Variants in EML6 observed in about 807,000 individuals in gnomAD.
EML6 encodes echinoderm microtubule-associated protein-like 6.
A neutral mutation model predicts 240.1 loss-of-function variants in EML6; 154 were observed. The observed-to-expected ratio is 0.64, with a 90% CI of 0.56 to 0.73. The LOEUF is 0.73. Ranked by LOEUF, EML6 falls within the 30% of genes least tolerant of loss-of-function variation. EML6 has a pLI of 0.00. For missense variants in EML6, 2,964 were observed against 2,474.6 expected (o/e 1.20, Z -4.20); for synonymous variants, 1,148 against 899.0 (o/e 1.28, Z -4.95).
intron 2 of EML6, among the ~76,000 whole-genome samples, chr2:54,792,149 A>G (rs1422509117): frequency 3.9e-5 from 6 of 152,198 alleles, no homozygotes; most frequent in African/African-American, 7.2e-5. Flanking sequence ...GAAATGGGAA[A>G]ACATTCATCT....
Position 54,844,238 on chromosome 2 carries a change from C to A in EML6, c.1039C>A (p.Arg347Ser). ...KPLAVTGSDD[R>S]SVRLWSLADH... ...TCTGGCTGTGACAGGCAGCGATGACCGCTCTGTCAGGTGAGGCCCTACCGC... is the reference window on the plus strand; with the variant it reads ...TCTGGCTGTGACAGGCAGCGATGACAGCTCTGTCAGGTGAGGCCCTACCGC... Residue 347 changes from arginine to serine, a missense_variant, in exon 8 of 42, where the codon CGC becomes AGC. Physicochemically the swap from Arg to Ser is moderately radical, Grantham distance 110. Transcript: ENST00000356458. 2 of 1,551,504 alleles carry A rather than the reference C, an allele frequency of 1.3e-6. No individual in the cohort carries two copies. Among genetic ancestry groups the A allele is most frequent in the African/African-American group, 1.4e-5 (1 of 73,162 alleles).
chr2:54,819,185 T>G (rs1334910514), intron 4 of EML6, among the ~76,000 whole-genome samples: 2 of 152,208 alleles, frequency 1.3e-5, no homozygotes, highest in Admixed American at 6.5e-5. Flanking sequence ...GTTAGTGGTC[T>G]AGGTTATTTC....
chr2:54,724,973 T>A lies in EML6; in HGVS notation c.-89T>A. 7 of 1,126,774 alleles carry A rather than the reference T, an allele frequency of 6.2e-6. No homozygotes were observed. The highest frequency in any genetic ancestry group is 7.9e-6 in the Non-Finnish European group (7 of 883,364). The allele number at this position is 1,126,774 out of a possible 1,614,324, so 69.8% of individuals were successfully genotyped here. A position where few individuals can be genotyped will look rare whatever the true frequency, so the allele number is the denominator to read the frequency against. ...GAAATCAGCGCCCTGCGCCGCGCGC[T>A]GAGCCCCTGCAGGTCCGCCGCAGCC... On this transcript the variant is annotated 5_prime_UTR_variant, in exon 2 of 42. It removes the in-frame stop codon of an upstream open reading frame in the 5' UTR. Coordinates refer to ENST00000356458, the MANE Select transcript of EML6 (RefSeq NM_001039753.4). The surrounding 1 kb of genome is among the most constrained non-coding windows in gnomAD (Gnocchi z 5.2).
chr2:54,881,347 G>C (rs569163458), intron 17 of EML6: 4 of 152,180 alleles, frequency 2.6e-5, no homozygotes, highest in African/African-American at 9.6e-5. Flanking sequence ...GAGTGCTTAA[G>C]TAGATAGAAA....
chr2:54,856,189 T>G (rs1446343999), intron 11 of EML6, among the ~76,000 whole-genome samples: 1 of 152,190 alleles, frequency 6.6e-6, no homozygotes, highest in African/African-American at 2.4e-5. Context: ...TTTCACATCT[T>G]AAAATAATTA....
chr2:54,821,954 C>G (rs1018523152), intron 5 of EML6, among the ~76,000 whole-genome samples: 3 of 152,034 alleles, frequency 2.0e-5, no homozygotes, highest in Admixed American at 2.0e-4. Context: ...AATACTGATG[C>G]AACTGTAGAA....
At chr2:54,790,379 T>C (rs766840016) in intron 2 of EML6, among the ~76,000 whole-genome samples, 1 of 152,206 alleles carries the variant, frequency 6.6e-6, no homozygotes, top group Non-Finnish European at 1.5e-5. Context: ...TCAGATTCAT[T>C]GTGGAGCGGG....
chr2:54,822,055 T>C (rs549976009), intron 5 of EML6, among the ~76,000 whole-genome samples: 1 of 152,218 alleles, frequency 6.6e-6, no homozygotes, highest in South Asian at 2.1e-4. Context: ...AAATAGATAC[T>C]GGGTTGTTCT....
intron 2 of EML6, among the ~76,000 whole-genome samples, chr2:54,727,342 T>C (rs1474211949): frequency 7.3e-6 from 1 of 137,506 alleles, no homozygotes; most frequent in Non-Finnish European, 1.5e-5. Context: ...TTCCTTAACA[T>C]CCAAATATGT....
intron 2 of EML6, among the ~76,000 whole-genome samples, chr2:54,797,238 T>C (rs1209552203): frequency 6.7e-6 from 1 of 149,860 alleles, no homozygotes; most frequent in Non-Finnish European, 1.5e-5. Flanking sequence ...GTATTTATTA[T>C]AATAAGCCCC....
intron 6 of EML6, among the ~76,000 whole-genome samples, chr2:54,828,145 T>C (rs1441163268): frequency 6.6e-6 from 1 of 152,188 alleles, no homozygotes; most frequent in African/African-American, 2.4e-5. Flanking sequence ...TGACCCATAG[T>C]TTGAACAGGA....
chr2:54,919,034 C>T (rs982673671), intron 26 of EML6, among the ~76,000 whole-genome samples: 1 of 152,198 alleles, frequency 6.6e-6, no homozygotes, highest in Non-Finnish European at 1.5e-5. Context: ...GTGTTTGATG[C>T]CACCTCTCCT....
chr2:54,823,524 G>A (rs1416038764), intron 5 of EML6, among the ~76,000 whole-genome samples: 1 of 152,068 alleles, frequency 6.6e-6, no homozygotes, highest in Admixed American at 6.5e-5. Flanking sequence ...ATAAATCACG[G>A]GTTCCTTAGC....
At chr2:54,767,452 CTT>C (rs1461831236) in intron 2 of EML6, among the ~76,000 whole-genome samples, 1 of 152,048 alleles carries the variant, frequency 6.6e-6, no homozygotes, top group African/African-American at 2.4e-5. Flanking sequence ...CCATGCAATA[CTT>C]TTAGTCTCCA....
intron 9 of EML6, among the ~76,000 whole-genome samples, chr2:54,848,099 A>G (rs113119945): frequency 1.3e-3 from 198 of 152,338 alleles, no homozygotes; most frequent in African/African-American, 4.5e-3. Context: ...AGAATAAAGC[A>G]GCACCCAACA....
At chr2:54,870,494 T>C (rs1258637841) in intron 15 of EML6, among the ~76,000 whole-genome samples, 1 of 152,188 alleles carries the variant, frequency 6.6e-6, no homozygotes, top group Non-Finnish European at 1.5e-5. Context: ...GGCTGACCGT[T>C]GGTTTATACA....
intron 36 of EML6, 99 bp downstream of exon 36, chr2:54,962,810 G>A: frequency 2.1e-6 from 2 of 974,072 alleles, no homozygotes; most frequent in Non-Finnish European, 2.8e-6. Context: ...GGCAGAGACG[G>A]GGATGGGGCC....
chr2:54,799,559 G>A (rs78667777), intron 2 of EML6, among the ~76,000 whole-genome samples: 3 of 152,044 alleles, frequency 2.0e-5, no homozygotes, highest in Non-Finnish European at 2.9e-5. Flanking sequence ...TGGCCAGGAT[G>A]GTCTCGATCT....
At chr2:54,963,017 C>A (rs1034224301) in intron 36 of EML6, among the ~76,000 whole-genome samples, 1 of 151,994 alleles carries the variant, frequency 6.6e-6, no homozygotes, top group Non-Finnish European at 1.5e-5. Flanking sequence ...TGAAATGGGC[C>A]TAATGTATTT....
Sources: gnomAD v4.1 joint callset for allele counts (sites outside exome capture counted in the v4.1 genomes callset) on GRCh38, gnomAD v4.1.1 for gene constraint, Gnocchi (gnomAD v3.1) non-coding constraint, MANE v1.5 for transcripts, NCBI Gene and HGNC (gene_info 2026-07-23, HGNC 2026-07-21) for gene names.